Variants in GSE1 observed in about 807,000 individuals in gnomAD.
GSE1 encodes the protein Gse1 coiled-coil protein.
A neutral mutation model predicts 112.6 loss-of-function variants in GSE1; 32 were observed. The observed-to-expected ratio is 0.28, with a 90% CI of 0.21 to 0.38. The LOEUF is 0.38. Among genes scored for constraint, GSE1 ranks in the 10% least tolerant of loss-of-function variants. GSE1 has a pLI of 1.00. For synonymous variants in GSE1, 1,115 were observed against 735.6 expected (o/e 1.52, Z -8.35); for missense variants, 2,348 against 1,699.2 (o/e 1.38, Z -6.71).
In GSE1 at chr16:85,669,887, CCT is replaced by C. The variant is rs374394260; in HGVS notation, c.3416-1107_3416-1106del. 2.3e-3 allele frequency among the ~76,000 whole-genome samples: 352 copies of C among 152,334 alleles called. 2 individuals carry two copies. In the Middle Eastern group the frequency reaches 0.041, roughly 18 times the overall value. On this transcript the variant is annotated intron_variant, in intron 14 of 15. Transcript: ENST00000253458. Reference sequence around the variant, plus strand: ...CACACCTGCTGGGCCTGGCTTCGCCCCTGTCAGGCATGACCTGCGCTGACCCC... The same window carrying C: ...CACACCTGCTGGGCCTGGCTTCGCCCGTCAGGCATGACCTGCGCTGACCCC...
At chr16:85,493,861 C>T (rs2051088340) in intron 2 of GSE1, among the ~76,000 whole-genome samples, 1 of 151,142 alleles carries the variant, frequency 6.6e-6, no homozygotes, top group Non-Finnish European at 1.5e-5. Flanking sequence ...GAGCTCCTCG[C>T]TTGAGCTCAG....
chr16:85,598,167 G>GTTTTTTTTTTTTTT (rs973836177), intron 1 of GSE1, among the ~76,000 whole-genome samples: 1 of 71,558 alleles, frequency 1.4e-5, no homozygotes, highest in African/African-American at 5.4e-5. Context: ...AGGTTTGGTT[G>GTTTTTTTTTTTTTT]TTTTTTTTTT....
chr16:85,395,016 G>T (rs1199554404), intron 2 of GSE1, among the ~76,000 whole-genome samples: 2 of 152,092 alleles, frequency 1.3e-5, no homozygotes. Context: ...TAGGAATTAG[G>T]CCTGTAGAGG....
chr16:85,234,172 A>T (rs916504748), intron 1 of GSE1, among the ~76,000 whole-genome samples: 3 of 152,126 alleles, frequency 2.0e-5, no homozygotes, highest in Non-Finnish European at 4.4e-5. Flanking sequence ...CCAGGAAGGT[A>T]TCCACTCCCC....
At chr16:85,331,442 C>CGTATATATGTATATATATGTGT (rs1354052095) in intron 1 of GSE1, among the ~76,000 whole-genome samples, 2 of 93,576 alleles carry the variant, frequency 2.1e-5, no homozygotes, top group African/African-American at 8.3e-5. Context: ...TATATATATG[C>CGTATATATGTATATATATGTGT]GTATATATGT....
chr16:85,288,721 T>C (rs1009438948), intron 1 of GSE1, among the ~76,000 whole-genome samples: 2 of 152,040 alleles, frequency 1.3e-5, no homozygotes, highest in Admixed American at 1.3e-4. Context: ...GCAGGCTTCC[T>C]GGGAGAGGCG....
At chr16:85,187,042 G>A (rs1256210376) in intron 1 of GSE1, among the ~76,000 whole-genome samples, 1 of 152,212 alleles carries the variant, frequency 6.6e-6, no homozygotes, top group African/African-American at 2.4e-5. Context: ...ACTGGGGTTG[G>A]TGCAGTGACG....
At chr16:85,666,505 GTT>G (rs1359659425) in intron 13 of GSE1, 158 bp downstream of exon 13, 4 of 690,532 alleles carry the variant, frequency 5.8e-6, no homozygotes, top group Non-Finnish European at 9.7e-6. Context: ...CCAAAACCAT[GTT>G]TGTTTGTTTA....
upstream of GSE1, among the ~76,000 whole-genome samples, chr16:85,552,328 CTT>C (rs1195413161): frequency 0.031 from 1,479 of 47,534 alleles, 27 homozygotes; most frequent in South Asian, 0.049. Context: ...CCCGCCCCTC[CTT>C]TTTTTTTTTT....
chr16:85,660,881 C>T (rs1047235363), intron 8 of GSE1, among the ~76,000 whole-genome samples: 13 of 152,110 alleles, frequency 8.5e-5, no homozygotes, highest in African/African-American at 1.2e-4. Context: ...CCACCCTCCT[C>T]GGCCTCCCAA....
At chr16:85,411,099 T>C (rs71389117) in intron 2 of GSE1, among the ~76,000 whole-genome samples, 2,934 of 38,414 alleles carry the variant, frequency 0.076, 2 homozygotes, top group East Asian at 0.19. Context: ...TAATCCTCAC[T>C]GTTACACTCA....
At chr16:85,640,306 T>C (rs1482550391) in intron 2 of GSE1, among the ~76,000 whole-genome samples, 1 of 152,162 alleles carries the variant, frequency 6.6e-6, no homozygotes, top group African/African-American at 2.4e-5. Context: ...GCCAGAGGCC[T>C]CTCCAAGCAG....
At chr16:85,495,379 C>T (rs997432839) in intron 2 of GSE1, among the ~76,000 whole-genome samples, 3 of 151,772 alleles carry the variant, frequency 2.0e-5, no homozygotes, top group African/African-American at 7.3e-5. Flanking sequence ...CGACAAAGGC[C>T]GATACTGTCT....
At chr16:85,634,155 G>A (rs2049787764) in intron 2 of GSE1, 23 bp downstream of exon 2, 8 of 1,400,722 alleles carry the variant, frequency 5.7e-6, no homozygotes, top group East Asian at 5.7e-5. Context: ...GCCAGGCTGC[G>A]CGTGGGGGGA....
chr16:85,363,430 G>A (rs2047123925), intron 2 of GSE1, among the ~76,000 whole-genome samples: 1 of 152,162 alleles, frequency 6.6e-6, no homozygotes, highest in South Asian at 2.1e-4. Flanking sequence ...GAACCACTGG[G>A]CCAGGCCTTA....
intron 1 of GSE1, among the ~76,000 whole-genome samples, chr16:85,262,074 G>C (rs892572984): frequency 6.6e-6 from 1 of 152,176 alleles, no homozygotes; most frequent in African/African-American, 2.4e-5. Flanking sequence ...TTTGAATCCA[G>C]AGCCCAGACT....
At position 85,342,592 on chromosome 16, in the gene GSE1, C is replaced by A. The variant is rs577748888; in HGVS notation, c.2284-14871C>A. ...CTGGATGAATTCCTCCTCCTCAGAG[C>A]GCATGTGTTGAGGATCTGTCTCTGT... is the stretch of plus-strand genomic sequence containing the variant. On this transcript the variant is annotated intron_variant, in intron 1 of 2. Coordinates refer to the GSE1 transcript ENST00000637419. 9.5e-4 allele frequency among the ~76,000 whole-genome samples: 145 copies of A among 152,276 alleles called. 1 individual carries two copies. Among genetic ancestry groups the A allele is most frequent in the Non-Finnish European group, 1.8e-3 (124 of 68,030 alleles).
intron 2 of GSE1, among the ~76,000 whole-genome samples, chr16:85,525,187 C>T (rs966578341): frequency 8.6e-5 from 13 of 152,044 alleles, no homozygotes; most frequent in South Asian, 2.1e-4. Flanking sequence ...TTTCATCAGC[C>T]GGGGAGGGCA....
chr16:85,264,355 G>C lies in GSE1; in HGVS notation c.2283+92548G>C, dbSNP rs561805364. 6.6e-5 allele frequency among the ~76,000 whole-genome samples: 10 copies of C among 152,190 alleles called. No homozygotes were observed. The South Asian group carries it at 1.2e-3, about 19-fold the overall frequency. Reference sequence around the variant, plus strand: ...CCGTCTCAGATGGGCTTGGGGGACCGGGTGAGGTAGAGGGGAGCCCTGGCC... The same window carrying C: ...CCGTCTCAGATGGGCTTGGGGGACCCGGTGAGGTAGAGGGGAGCCCTGGCC... On this transcript the variant is annotated intron_variant, in intron 1 of 2. Transcript: ENST00000637419.
Sources: gnomAD v4.1 joint callset for allele counts (sites outside exome capture counted in the v4.1 genomes callset) on GRCh38, gnomAD v4.1.1 for gene constraint, MANE v1.5 for transcripts, NCBI Gene and HGNC (gene_info 2026-07-23, HGNC 2026-07-21) for gene names.